The following CNTN4 variants were observed in gnomAD, a reference collection of about 807,000 sequenced individuals.
CNTN4 encodes the protein contactin 4.
A neutral mutation model predicts 122.5 loss-of-function variants in CNTN4; 77 were observed. The ratio of observed to expected loss-of-function variants is 0.63; its 90% CI spans 0.52 to 0.76. The LOEUF is 0.76. Ranked by LOEUF, CNTN4 falls within the 30% of genes least tolerant of loss-of-function variation. CNTN4 has a pLI of 0.00. For synonymous variants in CNTN4, 512 were observed against 447.0 expected (o/e 1.15, Z -1.83); for missense variants, 1,256 against 1,259.1 (o/e 1.00, Z 0.04).
chr3:3,042,546 C>T (rs1700259368), intron 21 of CNTN4, 124 bp downstream of exon 21: 1 of 717,996 alleles, frequency 1.4e-6, no homozygotes, highest in African/African-American at 1.8e-5. Flanking sequence ...TTAGGCCTGG[C>T]TTCCAGCTGA....
At chr3:2,502,292 C>T (rs1167926938) in intron 3 of CNTN4, among the ~76,000 whole-genome samples, 1 of 152,098 alleles carries the variant, frequency 6.6e-6, no homozygotes, top group Non-Finnish European at 1.5e-5. Context: ...TTTTACTATC[C>T]ACGTGTCTCA....
At chr3:2,644,431 G>A (rs2083028709) in intron 4 of CNTN4, among the ~76,000 whole-genome samples, 1 of 152,064 alleles carries the variant, frequency 6.6e-6, no homozygotes, top group African/African-American at 2.4e-5. Context: ...GCTCCTTTCA[G>A]AAACTCTCTT....
At chr3:2,296,578 C>T (rs1321023432) in intron 2 of CNTN4, among the ~76,000 whole-genome samples, 1 of 151,870 alleles carries the variant, frequency 6.6e-6, no homozygotes, top group Non-Finnish European at 1.5e-5. Flanking sequence ...AATGGTTATT[C>T]CTGGGAAGAA....
chr3:2,798,028 A>G (rs1559514187), intron 6 of CNTN4, among the ~76,000 whole-genome samples: 1 of 150,552 alleles, frequency 6.6e-6, no homozygotes, highest in Non-Finnish European at 1.5e-5. Context: ...CATCACCTAA[A>G]TAATGTGCAT....
At chr3:3,020,780 A>G (rs1698222357) in intron 14 of CNTN4, among the ~76,000 whole-genome samples, 1 of 152,198 alleles carries the variant, frequency 6.6e-6, no homozygotes, top group Middle Eastern at 3.2e-3. Context: ...AGCCCTTCAC[A>G]TATTTGAGGA....
intron 3 of CNTN4, among the ~76,000 whole-genome samples, chr3:2,347,409 TC>T (rs1338886226): frequency 2.2e-5 from 2 of 89,608 alleles, no homozygotes; most frequent in Non-Finnish European, 4.7e-5. Context: ...GGAAATACAA[TC>T]TTTTTTTTTT....
intron 4 of CNTN4, among the ~76,000 whole-genome samples, chr3:2,611,852 T>A (rs17017265): frequency 0.056 from 8,459 of 152,190 alleles, 782 homozygotes; most frequent in African/African-American, 0.19. Flanking sequence ...CAGGTGGCTA[T>A]ACAGTTTTTA....
intron 4 of CNTN4, among the ~76,000 whole-genome samples, chr3:2,636,424 C>CA (rs1267570316): frequency 6.6e-6 from 1 of 152,136 alleles, no homozygotes; most frequent in Non-Finnish European, 1.5e-5. Context: ...TTATAGAAGT[C>CA]AGACACCTAC....
At chr3:2,465,762 T>A (rs2075475867) in intron 3 of CNTN4, among the ~76,000 whole-genome samples, 1 of 152,190 alleles carries the variant, frequency 6.6e-6, no homozygotes, top group African/African-American at 2.4e-5. Flanking sequence ...CTCTCTGTGT[T>A]TTCTTGAAGC....
chr3:2,501,124 A>AT (rs2076582745), intron 3 of CNTN4, among the ~76,000 whole-genome samples: 1 of 152,058 alleles, frequency 6.6e-6, no homozygotes, highest in South Asian at 2.1e-4. Flanking sequence ...TTTTTAGCAG[A>AT]TTTTTTTGTT....
At chr3:2,211,736 A>C (rs1167780053) in intron 2 of CNTN4, among the ~76,000 whole-genome samples, 1 of 152,086 alleles carries the variant, frequency 6.6e-6, no homozygotes, top group Non-Finnish European at 1.5e-5. Context: ...ATTCTTCCAC[A>C]TGGCCAGCCG....
At chr3:2,766,471 A>C (rs1254772053) in intron 6 of CNTN4, among the ~76,000 whole-genome samples, 3 of 152,254 alleles carry the variant, frequency 2.0e-5, no homozygotes, top group Non-Finnish European at 2.9e-5. Flanking sequence ...GGAGACGATT[A>C]TTCTAAGTGA....
At chr3:2,857,701 T>C (rs888991733) in intron 7 of CNTN4, among the ~76,000 whole-genome samples, 16 of 152,108 alleles carry the variant, frequency 1.1e-4, no homozygotes, top group African/African-American at 3.6e-4. Context: ...CCTCAGCCTC[T>C]CCAGACTCCT....
chr3:2,764,372 A>G (rs1396821737), intron 6 of CNTN4, among the ~76,000 whole-genome samples: 2 of 152,212 alleles, frequency 1.3e-5, no homozygotes, highest in African/African-American at 4.8e-5. Context: ...GTAAGGATTA[A>G]AAAGGAAATG....
intron 4 of CNTN4, among the ~76,000 whole-genome samples, chr3:2,699,177 C>T (rs2086218177): frequency 6.6e-6 from 1 of 152,266 alleles, no homozygotes; most frequent in Admixed American, 6.5e-5. Context: ...AAAATACACC[C>T]TCAGGGTATA....
chr3:2,336,230 G>A (rs2043948826), intron 2 of CNTN4, among the ~76,000 whole-genome samples: 1 of 152,016 alleles, frequency 6.6e-6, no homozygotes, highest in African/African-American at 2.4e-5. Context: ...ATTTGGGGGG[G>A]GGAGGTGGCA....
At chr3:2,127,223 A>T (rs529341986) in intron 2 of CNTN4, among the ~76,000 whole-genome samples, 1 of 152,066 alleles carries the variant, frequency 6.6e-6, no homozygotes, top group Non-Finnish European at 1.5e-5. Flanking sequence ...TCGGGTTCCC[A>T]TCACAGCCCC....
chr3:2,879,301 G>A (rs1257653282), intron 8 of CNTN4, among the ~76,000 whole-genome samples: 1 of 152,160 alleles, frequency 6.6e-6, no homozygotes, highest in African/African-American at 2.4e-5. Flanking sequence ...AAGGTAGGAA[G>A]GATTCTGCCC....
At chr3:2,546,870 A>G (rs2078266346) in intron 3 of CNTN4, among the ~76,000 whole-genome samples, 1 of 152,150 alleles carries the variant, frequency 6.6e-6, no homozygotes, top group South Asian at 2.1e-4. Context: ...ATTTACACCA[A>G]TTTCATTCCG....
Sources: allele counts gnomAD v4.1 joint callset (sites outside exome capture counted in the v4.1 genomes callset), GRCh38; gene constraint gnomAD v4.1.1; transcripts MANE v1.5; gene names NCBI Gene and HGNC (gene_info 2026-07-23, HGNC 2026-07-21).